Variants in TMTC2 observed in about 807,000 individuals in gnomAD.
TMTC2 encodes the protein transmembrane O-mannosyltransferase targeting cadherins 2.
A neutral mutation model predicts 82.4 loss-of-function variants in TMTC2; 43 were observed. The observed-to-expected ratio is 0.52, with a 90% confidence interval of 0.41 to 0.67. TMTC2 has a LOEUF of 0.67. TMTC2 is among the 30% of genes least tolerant of loss of function. The pLI is 0.00. For synonymous variants in TMTC2, 408 were observed against 381.9 expected (o/e 1.07, Z -0.80); for missense variants, 919 against 1,012.4 (o/e 0.91, Z 1.25).
In TMTC2 at chr12:82,896,658, T is replaced by A. The variant is rs1371578040; in HGVS notation, c.1483+12T>A. The A allele has an allele frequency of 6.4e-7, 1 of 1,573,756 alleles. No individual in the cohort carries two copies. The highest frequency in any genetic ancestry group is 2.2e-5 in the East Asian group (1 of 44,644). On this transcript the variant is annotated intron_variant, in intron 3 of 11. Transcript: ENST00000321196. ...AAACCCAGCTAAAGGTAATCTTTTA[T>A]TTTATGCTTTTGTCTGGATAGTTTA...
intron 11 of TMTC2, among the ~76,000 whole-genome samples, chr12:83,121,186 G>A (rs1439615533): frequency 6.6e-6 from 1 of 152,116 alleles, no homozygotes; most frequent in African/African-American, 2.4e-5. Flanking sequence ...TGGATCCATT[G>A]CTGGTGAACT....
chr12:83,046,820 A>T (rs1882158274), intron 9 of TMTC2, among the ~76,000 whole-genome samples: 1 of 152,170 alleles, frequency 6.6e-6, no homozygotes, highest in Non-Finnish European at 1.5e-5. Context: ...ATTCTGCCAC[A>T]TGTACTAAAA....
chr12:82,865,206 A>G lies in TMTC2; in HGVS notation c.654+7626A>G, dbSNP rs1023294992. ...GCGTCGCTGCACTCCAGTCTGGACA[A>G]CAAGAGCAAGACTCCGATAAAGAGT... On this transcript the variant is annotated intron_variant, in intron 2 of 11. Coordinates refer to ENST00000321196, the MANE Select transcript of TMTC2 (RefSeq NM_152588.3). Among the ~76,000 whole-genome samples, 29 of 152,270 alleles carry G rather than the reference A, an allele frequency of 1.9e-4. 1 individual carries two copies. Among genetic ancestry groups the G allele is most frequent in the Admixed American group, 7.2e-4 (11 of 15,288 alleles).
At chr12:82,964,912 G>C (rs900385016) in intron 4 of TMTC2, 112 bp from the exon 5 acceptor site, 2 of 574,722 alleles carry the variant, frequency 3.5e-6, no homozygotes, top group African/African-American at 3.9e-5. Flanking sequence ...TACCAGGTTA[G>C]CATTTTTACT....
chr12:83,045,311 A>G (rs1157095963), intron 9 of TMTC2, among the ~76,000 whole-genome samples: 2 of 152,158 alleles, frequency 1.3e-5, no homozygotes, highest in African/African-American at 2.4e-5. Flanking sequence ...ATTTGTGATA[A>G]TTAAGATGAT....
At chr12:82,982,189 G>A (rs1322063750) in intron 7 of TMTC2, among the ~76,000 whole-genome samples, 4 of 151,742 alleles carry the variant, frequency 2.6e-5, no homozygotes, top group Admixed American at 2.0e-4. Flanking sequence ...AGCTTGATGC[G>A]ATGGGAAGCC....
intron 9 of TMTC2, among the ~76,000 whole-genome samples, chr12:83,031,347 A>G (rs1304538272): frequency 2.0e-5 from 3 of 152,184 alleles, no homozygotes; most frequent in Non-Finnish European, 4.4e-5. Flanking sequence ...CCAAATATTG[A>G]GGCCAAGGAT....
intron 7 of TMTC2, among the ~76,000 whole-genome samples, chr12:82,972,697 G>A (rs1878501734): frequency 1.3e-5 from 2 of 152,170 alleles, no homozygotes; most frequent in Admixed American, 1.3e-4. Flanking sequence ...ATTTAGGTGA[G>A]AAGAACTGAC....
In TMTC2 at chr12:82,733,741, C is replaced by G. The variant is rs183309531; in HGVS notation, c.83+46072C>G. Among the ~76,000 whole-genome samples the G allele has an allele frequency of 9.2e-5, 14 of 152,228 alleles. No homozygotes were observed. In the East Asian group the frequency reaches 2.7e-3, roughly 29 times the overall value. On this transcript the variant is annotated intron_variant, in intron 1 of 11. Transcript: ENST00000321196. ...CGTGGTGACACTGGAGATACTTTAT[C>G]TAATATCTTTGTGGAGGATATAATG...
intron 1 of TMTC2, among the ~76,000 whole-genome samples, chr12:82,806,168 G>A (rs150016893): frequency 2.6e-5 from 4 of 152,184 alleles, no homozygotes; most frequent in African/African-American, 7.2e-5. Flanking sequence ...TTGTTAGATG[G>A]CAGCAATCTA....
At position 82,965,022 on chromosome 12, in the gene TMTC2, A is replaced by G; in HGVS notation, c.1599-2A>G. 1.9e-6 allele frequency: 3 copies of G among 1,608,830 alleles called. No individual in the cohort carries two copies. The highest frequency in any genetic ancestry group is 2.5e-6 in the Non-Finnish European group (3 of 1,177,510). On this transcript the variant is annotated splice_acceptor_variant, in intron 4 of 11. Coordinates refer to ENST00000321196, the MANE Select transcript of TMTC2 (RefSeq NM_152588.3). LOFTEE classifies it high-confidence loss of function. Reference sequence around the variant, plus strand: ...CTCTAAATTTCTGTTTTCCTCATGCAGAGGGCTACTTCTCCAGGAGAACAG... The same window carrying G: ...CTCTAAATTTCTGTTTTCCTCATGCGGAGGGCTACTTCTCCAGGAGAACAG...
chr12:82,946,332 C>T (rs1876990564), intron 4 of TMTC2, among the ~76,000 whole-genome samples: 1 of 152,152 alleles, frequency 6.6e-6, no homozygotes, highest in Admixed American at 6.5e-5. Flanking sequence ...TAGTTGCATG[C>T]ACATTGATTT....
intron 1 of TMTC2, among the ~76,000 whole-genome samples, chr12:82,689,031 T>G (rs1872463023): frequency 6.6e-6 from 1 of 152,236 alleles, no homozygotes; most frequent in Non-Finnish European, 1.5e-5. Context: ...CTGTTAGACA[T>G]ACATTTTTTC....
In TMTC2 at chr12:82,827,289, G is replaced by A. The variant is rs532600175; in HGVS notation, c.84-29721G>A. ...ACTTTTTCCCTCTCTCATGTAAGTG[G>A]AACAAGAGAAAAGTAAGTCACATCA... On this transcript the variant is annotated intron_variant, in intron 1 of 11. Coordinates refer to ENST00000321196, the MANE Select transcript of TMTC2 (RefSeq NM_152588.3). Among the ~76,000 whole-genome samples, 14 of 152,184 alleles carry A rather than the reference G, an allele frequency of 9.2e-5. 1 individual carries two copies. In the South Asian group the frequency reaches 2.7e-3, roughly 29 times the overall value.
intron 1 of TMTC2, 78 bp downstream of exon 1, chr12:82,687,747 C>G (rs958539980): frequency 5.9e-5 from 82 of 1,393,028 alleles, no homozygotes; most frequent in South Asian, 3.1e-4. Flanking sequence ...CTCTTTAAGG[C>G]TCAAAGTGCG....
chr12:83,031,601 G>C (rs1881433421), intron 9 of TMTC2, among the ~76,000 whole-genome samples: 1 of 152,126 alleles, frequency 6.6e-6, no homozygotes, highest in South Asian at 2.1e-4. Flanking sequence ...GATCCCTTGG[G>C]GGGAAAATGT....
At chr12:82,962,336 G>T (rs1231859088) in intron 4 of TMTC2, among the ~76,000 whole-genome samples, 1 of 151,992 alleles carries the variant, frequency 6.6e-6, no homozygotes, top group African/African-American at 2.4e-5. Flanking sequence ...ATGTAATTAT[G>T]TGGAGACTAA....
At chr12:82,989,686 G>A (rs916086517) in intron 8 of TMTC2, among the ~76,000 whole-genome samples, 3 of 150,746 alleles carry the variant, frequency 2.0e-5, no homozygotes, top group African/African-American at 7.3e-5. Context: ...AATTTTTCAA[G>A]CCTGACTACT....
chr12:82,935,828 CTGTGT>C (rs1274815519), intron 4 of TMTC2, among the ~76,000 whole-genome samples: 6 of 151,908 alleles, frequency 3.9e-5, no homozygotes, highest in African/African-American at 9.7e-5. Context: ...TCATTTTGTT[CTGTGT>C]TGTAAGAATC....
Sources: gnomAD v4.1 joint callset for allele counts (sites outside exome capture counted in the v4.1 genomes callset) on GRCh38, gnomAD v4.1.1 for gene constraint, MANE v1.5 for transcripts, NCBI Gene and HGNC (gene_info 2026-07-23, HGNC 2026-07-21) for gene names.